Variants in RTF1 observed in about 807,000 individuals in gnomAD.
RTF1 encodes the protein RTF1 homolog, Paf1/RNA polymerase II complex component, also known as RNA polymerase-associated protein RTF1 homolog.
Under a neutral mutation model 95.7 loss-of-function variants are expected in RTF1, and 10 were observed. The ratio of observed to expected loss-of-function variants is 0.10; its 90% CI spans 0.06 to 0.18. The LOEUF (loss-of-function observed/expected upper bound fraction) is 0.18. RTF1 is among the 10% of genes least tolerant of loss of function. The probability of loss-of-function intolerance (pLI) is 1.00; values close to 1 mark genes in which losing one functional copy is unlikely to be tolerated. For synonymous variants in RTF1, 305 were observed against 311.8 expected, an observed-to-expected ratio of 0.98 and a Z score of 0.23; for missense variants, 458 against 875.6, an observed-to-expected ratio of 0.52 and a Z score of 6.02.
intron 2 of RTF1, chr15:41,448,941 G>A (rs1054515871): frequency 2.0e-5 from 3 of 151,814 alleles, no homozygotes; most frequent in Non-Finnish European, 4.4e-5. Context: ...CTGGAGTTCA[G>A]TGTCGTGATC....
In RTF1 at chr15:41,443,993, G is replaced by C. The variant is rs572326939; in HGVS notation, c.309+5562G>C. 2.6e-5 allele frequency among the ~76,000 whole-genome samples: 4 copies of C among 151,706 alleles called. No individual in the cohort carries two copies. In the East Asian group the frequency reaches 5.8e-4, roughly 22 times the overall value. ...TGAGGCAGGAGAATGGCGTGAACCC[G>C]GGGGGCAGAGCTTGCAGTGAGCCGA... On this transcript the variant is annotated intron_variant, in intron 2 of 17. Transcript: ENST00000389629.
At chr15:41,441,715 C>T (rs2140953279) in intron 2 of RTF1, among the ~76,000 whole-genome samples, 1 of 152,320 alleles carries the variant, frequency 6.6e-6, no homozygotes, top group South Asian at 2.1e-4. Flanking sequence ...TGACAGCAAG[C>T]TCCACCCTGC....
At chr15:41,479,426 G>A (rs555827028) in intron 16 of RTF1, among the ~76,000 whole-genome samples, 18 of 152,120 alleles carry the variant, frequency 1.2e-4, no homozygotes, top group Admixed American at 3.9e-4. Context: ...TCAGCAGCTG[G>A]CTTCCAGCCC....
chr15:41,425,903 T>G (rs189658430), intron 1 of RTF1, among the ~76,000 whole-genome samples: 40 of 152,080 alleles, frequency 2.6e-4, no homozygotes, highest in African/African-American at 8.9e-4. Flanking sequence ...GGTTTAGAGG[T>G]GAAGATCCTG....
chr15:41,426,851 TTTG>T (rs1384800887), intron 1 of RTF1, among the ~76,000 whole-genome samples: 1 of 149,664 alleles, frequency 6.7e-6, no homozygotes, highest in Non-Finnish European at 1.5e-5. Flanking sequence ...TGTTTGTTTG[TTTG>T]TTTTTTAGGC....
At chr15:41,424,986 C>G (rs2050621286) in intron 1 of RTF1, among the ~76,000 whole-genome samples, 1 of 151,846 alleles carries the variant, frequency 6.6e-6, no homozygotes, top group South Asian at 2.1e-4. Context: ...GCCTGGGTGA[C>G]AGAGAGACTC....
chr15:41,479,634 G>A (rs2050960139), intron 16 of RTF1, among the ~76,000 whole-genome samples: 1 of 152,136 alleles, frequency 6.6e-6, no homozygotes, highest in African/African-American at 2.4e-5. Flanking sequence ...GCGGAGGTGG[G>A]CGGATCACCT....
At chr15:41,474,576 C>G in intron 8 of RTF1, 44 bp from the exon 9 acceptor site, 1 of 1,364,434 alleles carries the variant, frequency 7.3e-7, no homozygotes, top group Non-Finnish European at 1.1e-6. Flanking sequence ...TGGAAAGCTC[C>G]GGAAGAGTCT....
intron 1 of RTF1, among the ~76,000 whole-genome samples, chr15:41,436,094 GTCAGTAGTTCAAGAC>G (rs1422930744): frequency 1.3e-5 from 2 of 151,866 alleles, no homozygotes; most frequent in Non-Finnish European, 2.9e-5. Flanking sequence ...ATCACCTGAG[GTCAGTAGTTCAAGAC>G]CAGCCTGGGC....
chr15:41,455,893 C>A (rs2050812264), intron 3 of RTF1, among the ~76,000 whole-genome samples: 1 of 151,580 alleles, frequency 6.6e-6, no homozygotes. Flanking sequence ...ACACCAAAAT[C>A]TCAGAAATCA....
chr15:41,426,393 C>G (rs938441457), intron 1 of RTF1, among the ~76,000 whole-genome samples: 3 of 151,764 alleles, frequency 2.0e-5, no homozygotes, highest in African/African-American at 4.8e-5. Context: ...GCAACCTCCC[C>G]CTCCTGGATT....
chr15:41,474,564 T>C, intron 8 of RTF1, 56 bp from the exon 9 acceptor site: 2 of 1,214,192 alleles, frequency 1.6e-6, no homozygotes, highest in Non-Finnish European at 2.5e-6. Flanking sequence ...GGAAGAGTGT[T>C]GTGGAAAGCT....
intron 1 of RTF1, among the ~76,000 whole-genome samples, chr15:41,424,781 T>A (rs2140944708): frequency 6.6e-6 from 1 of 151,924 alleles, no homozygotes; most frequent in Non-Finnish European, 1.5e-5. Context: ...GAGGCCGAGG[T>A]GGGTGGATCA....
At chr15:41,463,522 G>C (rs1195571350) in intron 4 of RTF1, among the ~76,000 whole-genome samples, 1 of 152,088 alleles carries the variant, frequency 6.6e-6, no homozygotes, top group Non-Finnish European at 1.5e-5. Flanking sequence ...CTGTCGCCCA[G>C]GCTAGCTAGA....
chr15:41,465,383 G>A (rs936773655), intron 5 of RTF1, among the ~76,000 whole-genome samples: 10 of 152,258 alleles, frequency 6.6e-5, no homozygotes, highest in Non-Finnish European at 1.3e-4. Context: ...ACTCACATGT[G>A]TAATCCCAGC....
chr15:41,447,163 T>G (rs908682409), intron 2 of RTF1, among the ~76,000 whole-genome samples: 1 of 152,180 alleles, frequency 6.6e-6, no homozygotes, highest in Non-Finnish European at 1.5e-5. Context: ...GTAAATTCAG[T>G]TCAGAGTCAC....
chr15:41,440,692 C>A (rs1453341074), intron 2 of RTF1, among the ~76,000 whole-genome samples: 1 of 149,438 alleles, frequency 6.7e-6, no homozygotes, highest in Non-Finnish European at 1.5e-5. Flanking sequence ...GGTTTCACCA[C>A]GTTAGCCAAG....
chr15:41,462,508 T>C (rs987787625), intron 4 of RTF1, among the ~76,000 whole-genome samples: 4 of 152,160 alleles, frequency 2.6e-5, no homozygotes, highest in African/African-American at 7.2e-5. Context: ...TCAAGAGAGA[T>C]TATATACATA....
chr15:41,433,843 C>CT (rs11326489), intron 1 of RTF1, among the ~76,000 whole-genome samples: 1,268 of 126,056 alleles, frequency 0.01, 20 homozygotes, highest in African/African-American at 0.024. Flanking sequence ...TGCTACCACA[C>CT]TTTTTTTTTT....
Sources: gnomAD v4.1 joint callset for allele counts (sites outside exome capture counted in the v4.1 genomes callset) on GRCh38, gnomAD v4.1.1 for gene constraint, MANE v1.5 for transcripts, NCBI Gene and HGNC (gene_info 2026-07-23, HGNC 2026-07-21) for gene names.